The following DMD variants were observed in gnomAD, a reference collection of about 807,000 sequenced individuals.
DMD encodes the protein mutant dystrophin.
DMD carries 63 observed loss-of-function variants against 330.1 expected under a neutral mutation model. That is an observed-to-expected ratio of 0.19 (90% CI 0.16 to 0.24). DMD has a LOEUF of 0.24. Among genes scored for constraint, DMD ranks in the 10% least tolerant of loss-of-function variants. The pLI is 1.00. For synonymous variants in DMD, 1,223 were observed against 959.8 expected, an observed-to-expected ratio of 1.27 and a Z score of -5.07; for missense variants, 3,344 against 2,684.1, an observed-to-expected ratio of 1.25 and a Z score of -5.43.
intron 16 of DMD, among the ~76,000 whole-genome samples, chrX:32,558,122 A>G (rs2050533330): frequency 9.0e-6 from 1 of 111,217 alleles, no homozygotes; most frequent in East Asian, 2.8e-4. Context: ...ATTCTGTAAA[A>G]CTGTCTGTCC....
At chrX:32,392,259 G>T (rs1046783167) in intron 30 of DMD, among the ~76,000 whole-genome samples, 8 of 110,742 alleles carry the variant, frequency 7.2e-5, no homozygotes, top group East Asian at 2.8e-4. Flanking sequence ...TATTTATTTA[G>T]TTAGTTATTT....
intron 18 of DMD, among the ~76,000 whole-genome samples, chrX:32,513,484 T>C (rs1166520846): frequency 1.8e-5 from 2 of 111,972 alleles, no homozygotes; most frequent in Admixed American, 9.5e-5. Context: ...TAGAGAGAAC[T>C]GGACATTTTC....
At chrX:31,605,216 T>C (rs1210551783) in intron 55 of DMD, among the ~76,000 whole-genome samples, 1 of 111,831 alleles carries the variant, frequency 8.9e-6, no homozygotes, top group Non-Finnish European at 1.9e-5. Context: ...CTGCTAGCCT[T>C]ATGTCCTTCA....
chrX:32,180,396 A>G (rs1186272884), intron 44 of DMD, among the ~76,000 whole-genome samples: 1 of 111,785 alleles, frequency 8.9e-6, no homozygotes, highest in East Asian at 2.8e-4. Flanking sequence ...CCTGGTTTGG[A>G]TACTAAATGA....
intron 7 of DMD, among the ~76,000 whole-genome samples, chrX:32,798,358 T>C (rs1219120542): frequency 2.7e-5 from 3 of 111,898 alleles, no homozygotes; most frequent in Admixed American, 1.9e-4. Context: ...CTGAGAAAGA[T>C]GTACAACACA....
chrX:32,311,960 G>T lies in DMD; in HGVS notation c.5923-1684C>A, dbSNP rs774892090. Among the ~76,000 whole-genome samples, 3 of 111,314 alleles carry T rather than the reference G, an allele frequency of 2.7e-5. No individual in the cohort carries two copies. The Admixed American group carries it at 2.9e-4, about 11-fold the overall frequency. ...TAATAAGCTCGTCTTTCTTATTCACGTTAGTTGCTATAACCCCTGCAGTAA... is the reference window on the plus strand; with the variant it reads ...TAATAAGCTCGTCTTTCTTATTCACTTTAGTTGCTATAACCCCTGCAGTAA... On this transcript the variant is annotated intron_variant, in intron 41 of 78. Transcript: ENST00000357033.
At chrX:31,857,161 T>A (rs2093625722) in intron 48 of DMD, among the ~76,000 whole-genome samples, 1 of 110,011 alleles carries the variant, frequency 9.1e-6, no homozygotes, top group African/African-American at 3.3e-5. Flanking sequence ...GACGGATCAC[T>A]TGAGGTCAGG....
At chrX:31,463,982 A>C (rs1008920564) in intron 59 of DMD, among the ~76,000 whole-genome samples, 4 of 111,500 alleles carry the variant, frequency 3.6e-5, no homozygotes, top group African/African-American at 1.3e-4. Flanking sequence ...ATATTACTTA[A>C]GTTTTTTGAA....
chrX:32,586,268 GA>G (rs1309856837), intron 13 of DMD, among the ~76,000 whole-genome samples: 1 of 109,555 alleles, frequency 9.1e-6, no homozygotes, highest in East Asian at 2.9e-4. Context: ...TGTCGTTCTA[GA>G]AAAGAAAAAA....
intron 52 of DMD, among the ~76,000 whole-genome samples, chrX:31,723,941 C>A (rs1328576594): frequency 8.9e-6 from 1 of 111,945 alleles, no homozygotes; most frequent in Non-Finnish European, 1.9e-5. Context: ...TGTCCAAATA[C>A]CCACATTTGA....
chrX:32,667,062 T>C (rs887111358), intron 9 of DMD, among the ~76,000 whole-genome samples: 1 of 111,527 alleles, frequency 9.0e-6, no homozygotes, highest in Non-Finnish European at 1.9e-5. Flanking sequence ...TTATGGCATA[T>C]ATGCAATTGA....
intron 7 of DMD, among the ~76,000 whole-genome samples, chrX:32,733,540 G>A (rs1408454726): frequency 9.0e-6 from 1 of 111,152 alleles, no homozygotes; most frequent in Non-Finnish European, 1.9e-5. Context: ...AAATGTAGAA[G>A]AACAGAAATT....
At chrX:31,233,845 C>T (rs1160492685) in intron 63 of DMD, among the ~76,000 whole-genome samples, 1 of 112,010 alleles carries the variant, frequency 8.9e-6, no homozygotes, top group Non-Finnish European at 1.9e-5. Context: ...AACCACAGAC[C>T]AGAGGTCACC....
intron 78 of DMD, among the ~76,000 whole-genome samples, chrX:31,125,275 A>G (rs1211842526): frequency 8.9e-6 from 1 of 111,986 alleles, no homozygotes; most frequent in African/African-American, 3.2e-5. Context: ...AGGGGCATTC[A>G]ATGCTTCACC....
At chrX:31,169,336 A>G (rs1477001275) in intron 74 of DMD, 107 bp downstream of exon 74, 1 of 597,305 alleles carries the variant, frequency 1.7e-6, no homozygotes, top group South Asian at 2.7e-5. Context: ...TTATTTTAGA[A>G]AACAATTAGA....
intron 16 of DMD, among the ~76,000 whole-genome samples, chrX:32,548,144 T>G (rs977815016): frequency 9.0e-6 from 1 of 111,491 alleles, no homozygotes; most frequent in Non-Finnish European, 1.9e-5. Context: ...AAGGTTTCTA[T>G]AAAATTCTAA....
intron 18 of DMD, among the ~76,000 whole-genome samples, chrX:32,511,349 C>T (rs1319614894): frequency 1.9e-5 from 2 of 108,088 alleles, no homozygotes; most frequent in African/African-American, 3.4e-5. Context: ...GTTGAAACCC[C>T]GTCTCTACTA....
rs961038215 is a variant in DMD, at chrX:31,725,739, G to C, written c.7660+3892C>G. ...GCTGTATAGCCCCGAAATGGTAGTGGTGGGGGTTACGGAGGGAGAAGCTAC... is the reference window on the plus strand; with the variant it reads ...GCTGTATAGCCCCGAAATGGTAGTGCTGGGGGTTACGGAGGGAGAAGCTAC... On this transcript the variant is annotated intron_variant, in intron 52 of 78. Transcript: ENST00000357033. Among the ~76,000 whole-genome samples the C allele has an allele frequency of 3.6e-5, 4 of 112,159 alleles. No homozygotes were observed. The East Asian group carries it at 1.1e-3, about 31-fold the overall frequency.
chrX:31,568,279 G>C (rs2147911420), intron 55 of DMD, among the ~76,000 whole-genome samples: 1 of 111,102 alleles, frequency 9.0e-6, no homozygotes, highest in Admixed American at 9.6e-5. Flanking sequence ...AGATCCTATT[G>C]GTTGATGGTG....
Sources: allele counts gnomAD v4.1 joint callset (sites outside exome capture counted in the v4.1 genomes callset), GRCh38; gene constraint gnomAD v4.1.1; transcripts MANE v1.5; gene names NCBI Gene and HGNC (gene_info 2026-07-23, HGNC 2026-07-21).